The following MMP3 variants were observed in gnomAD, a reference collection of about 807,000 sequenced individuals.
MMP3 encodes the protein stromelysin-1.
In MMP3, 46 loss-of-function variants were observed where a neutral mutation model predicts 47.3. The ratio of observed to expected loss-of-function variants is 0.97; its 90% CI spans 0.77 to 1.24. The LOEUF (loss-of-function observed/expected upper bound fraction) is 1.24. Among genes scored for constraint, MMP3 ranks in the 50% most tolerant of loss-of-function variants. The probability of loss-of-function intolerance (pLI) is 0.00; values close to 1 mark genes in which losing one functional copy is unlikely to be tolerated. For missense variants in MMP3, 558 were observed against 565.5 expected, an observed-to-expected ratio of 0.99 and a Z score of 0.13; for synonymous variants, 216 against 206.5, an observed-to-expected ratio of 1.05 and a Z score of -0.39.
chr11:102,836,265 C>A lies in MMP3; in HGVS notation c.1334-39G>T. The A allele has an allele frequency of 1.4e-6, 2 of 1,465,406 alleles. No individual in the cohort carries two copies. Among genetic ancestry groups the A allele is most frequent in the Non-Finnish European group, 1.9e-6 (2 of 1,050,372 alleles). The allele number at this position is 1,465,406 out of a possible 1,614,324, so 90.8% of individuals were successfully genotyped here. On this transcript the variant is annotated intron_variant, in intron 9 of 9. Transcript: ENST00000299855. The surrounding 1 kb of genome is among the most constrained non-coding windows in gnomAD (Gnocchi z 4.6). Reference sequence around the variant, plus strand: ...CAAGGGAAATAGTAAGATATTTTTCCAAATAAAGACATTTGACAATATACA... The same window carrying A: ...CAAGGGAAATAGTAAGATATTTTTCAAAATAAAGACATTTGACAATATACA...
chr11:102,838,579 A>T lies in MMP3; in HGVS notation c.1201T>A (p.Tyr401Asn). 1 of 1,613,696 alleles carries T rather than the reference A, an allele frequency of 6.2e-7. No homozygotes were observed. The highest frequency in any genetic ancestry group is 1.1e-5 in the South Asian group (1 of 91,008). The change falls in exon 8 of 10, where the codon TAT becomes AAT. Residue 401 changes from tyrosine to asparagine, a missense_variant. Transcript: ENST00000299855. ...AISDKEKNKT[Y>N]FFVEDKYWRF... ...CAGTATTTGTCCTCTACAAAGAAAT[A>T]TGTTTTGTTCTTTTCCTTATCAGAA...
In MMP3 at chr11:102,843,430, A is replaced by AG; in HGVS notation, c.105+11dup. On this transcript the variant is annotated intron_variant, in intron 1 of 9. Coordinates refer to ENST00000299855, the MANE Select transcript of MMP3 (RefSeq NM_002422.5). ...AGCTCCCCACCTGGCCAGGTCAGTT[A>AG]GTGTTAATTACCTGAACAAGGTTCA... 6.2e-7 allele frequency: 1 copy of AG among 1,602,270 alleles called. No homozygotes were observed. Among genetic ancestry groups the AG allele is most frequent in the Non-Finnish European group, 8.5e-7 (1 of 1,170,118 alleles).
chr11:102,840,270 G>T lies in MMP3; in HGVS notation c.791-18C>A. ...GGGAGGTCCTAAAGGGAACATTAGG[G>T]GAAATGTGATACGTTTCAATATATG... On this transcript the variant is annotated intron_variant, in intron 5 of 9. Coordinates refer to ENST00000299855, the MANE Select transcript of MMP3 (RefSeq NM_002422.5). 6.2e-7 allele frequency: 1 copy of T among 1,610,512 alleles called. No homozygotes were observed. The highest frequency in any genetic ancestry group is 8.5e-7 in the Non-Finnish European group (1 of 1,178,762).
rs1266873022 is a variant in MMP3 at position 102,842,502 on chromosome 11, T to G, written c.428A>C (p.Glu143Ala). The stretch of plus-strand genomic sequence containing the variant: ...CCTGGAGAATGTGAGTGGAGTCACC[T>G]CTTCCCAGACTTTCAGAGCTTTCTC... ...AVEKALKVWE[E>A]VTPLTFSRLY... is the part of the protein sequence containing the mutation. Residue 143 changes from glutamate to alanine, a missense_variant, in exon 3 of 10, where the codon GAG becomes GCG. Physicochemically the swap from Glu to Ala is moderately radical, Grantham distance 107. Transcript: ENST00000299855. The G allele has an allele frequency of 6.5e-6, 10 of 1,538,870 alleles. No homozygotes were observed. Among genetic ancestry groups the G allele is most frequent in the Non-Finnish European group, 8.8e-6 (10 of 1,135,696 alleles).
intron 3 of MMP3, 27 bp downstream of exon 3, chr11:102,842,404 C>CTTTTTTTTTTGTT: frequency 1.2e-6 from 1 of 810,714 alleles, no homozygotes; most frequent in Non-Finnish European, 1.6e-6. Context: ...TTTTGTTTTG[C>CTTTTTTTTTTGTT]TTTTTTTTTT....
rs781866260 is a variant in MMP3 at position 102,840,238 on chromosome 11, A to T, written c.805T>A (p.Ser269Thr). 1 of 1,613,464 alleles carries T rather than the reference A, an allele frequency of 6.2e-7. No homozygotes were observed. Among genetic ancestry groups the T allele is most frequent in the Non-Finnish European group, 8.5e-7 (1 of 1,179,838 alleles). ...IQSLYGPPPD[S>T]PETPLVPTEP... ...GTGGGTACCAGGGGGGTCTCAGGGG[A>T]GTCAGGGGGAGGTCCTAAAGGGAAC... The change falls in exon 6 of 10, where the codon TCC becomes ACC. Residue 269 changes from serine to threonine, a missense_variant. Transcript: ENST00000299855.
Position 102,840,632 on chromosome 11 carries a change from A to G in MMP3, c.626-39T>C, listed in dbSNP as rs372315155. The G allele has an allele frequency of 5.4e-5, 86 of 1,603,546 alleles. No individual in the cohort carries two copies. In the South Asian group the frequency reaches 6.3e-4, roughly 12 times the overall value. On this transcript the variant is annotated intron_variant, in intron 4 of 9. Transcript: ENST00000299855. ...TGAGAACAATAGTTACTTATTTTTTAAATACATGTGCATTACACAGGTCTG... is the reference window on the plus strand; with the variant it reads ...TGAGAACAATAGTTACTTATTTTTTGAATACATGTGCATTACACAGGTCTG...
chr11:102,838,732 G>A, intron 7 of MMP3, 22 bp from the exon 8 acceptor site: 1 of 1,539,038 alleles, frequency 6.5e-7, no homozygotes, highest in Non-Finnish European at 8.6e-7. Context: ...AAATAATTCA[G>A]AGTCATATTG....
intron 6 of MMP3, 83 bp downstream of exon 6, chr11:102,840,025 G>C: frequency 7.1e-7 from 1 of 1,404,378 alleles, no homozygotes; most frequent in Non-Finnish European, 9.7e-7. Flanking sequence ...AAATGTCTAA[G>C]AATCTCTATC....
Position 102,842,417 on chromosome 11 carries a change from T to C in MMP3, c.499+14A>G, listed in dbSNP as rs1859019326. 3 of 1,470,944 alleles carry C rather than the reference T, an allele frequency of 2.0e-6. No individual in the cohort carries two copies. The highest frequency in any genetic ancestry group is 2.3e-5 in the East Asian group (1 of 42,806). The allele number at this position is 1,470,944 out of a possible 1,614,324, so 91.1% of individuals were successfully genotyped here. On this transcript the variant is annotated intron_variant, in intron 3 of 9. Coordinates refer to ENST00000299855, the MANE Select transcript of MMP3 (RefSeq NM_002422.5). ...TGTTTTGTTTTGCTTTTTTTTTTTT[T>C]TTTTTTTTTTTACCTCTAACTGCAA...
In MMP3 at chr11:102,837,260, C is replaced by T. The variant is rs1858898332; in HGVS notation, c.1333+38G>A. ...TTCCCTCTGATATCATAAAATGTTT[C>T]AAGTGCTCTATGGCCAACACAGTAA... On this transcript the variant is annotated intron_variant, in intron 9 of 9. Transcript: ENST00000299855. The surrounding 1 kb of genome is among the most constrained non-coding windows in gnomAD (Gnocchi z 4.4). 6.7e-7 allele frequency: 1 copy of T among 1,489,000 alleles called. No homozygotes were observed. Among genetic ancestry groups the T allele is most frequent in the African/African-American group, 1.4e-5 (1 of 72,374 alleles). The allele number at this position is 1,489,000 out of a possible 1,614,324, so 92.2% of individuals were successfully genotyped here. A position where few individuals can be genotyped will look rare whatever the true frequency, so the allele number is the denominator to read the frequency against.
In MMP3 at chr11:102,842,298, A is replaced by C. The variant is rs782205240; in HGVS notation, c.500-19T>G. The C allele has an allele frequency of 4.8e-5, 76 of 1,592,498 alleles. 1 individual carries two copies. The East Asian group carries it at 1.7e-3, about 35-fold the overall frequency. ...CCATGTTCTAGTAGGAAAAAAATTT[A>C]TTGGAAAGATATGTAACAAGGATCC... On this transcript the variant is annotated intron_variant, in intron 3 of 9. Transcript: ENST00000299855.
chr11:102,839,269 A>C, intron 6 of MMP3, 26 bp from the exon 7 acceptor site: 1 of 1,612,554 alleles, frequency 6.2e-7, no homozygotes, highest in Non-Finnish European at 8.5e-7. Context: ...AAAGAAATGT[A>C]AATTGAAAAA....
intron 5 of MMP3, 73 bp downstream of exon 5, chr11:102,840,356 T>C (rs1858972950): frequency 6.3e-7 from 1 of 1,589,482 alleles, no homozygotes. Flanking sequence ...AAATACTTTA[T>C]GTAGCATTTG....
rs1859032092 is a variant in MMP3 at position 102,842,789 on chromosome 11, T to C, written c.233A>G (p.Lys78Arg). 3 of 1,613,854 alleles carry C rather than the reference T, an allele frequency of 1.9e-6. No homozygotes were observed. The highest frequency in any genetic ancestry group is 2.5e-6 in the Non-Finnish European group (3 of 1,179,968). ...CACCTCCAGAGTGTCGGAGTCCAGC[T>C]TCCCCGTCACCTCCAATCCAAGGAA... Reference protein sequence around the residue: ...QKFLGLEVTGKLDSDTLEVMR... With the variant: ...QKFLGLEVTGRLDSDTLEVMR... The change falls in exon 2 of 10, where the codon AAG (lysine) becomes AGG (arginine). Residue 78 changes from lysine (K) to arginine (R), a missense_variant. Physicochemically the swap from Lys to Arg is conservative, Grantham distance 26 (BLOSUM62 2). Coordinates refer to ENST00000299855, the MANE Select transcript of MMP3 (RefSeq NM_002422.5).
chr11:102,838,132 G>A (rs1273493504), intron 8 of MMP3, among the ~76,000 whole-genome samples: 1 of 152,176 alleles, frequency 6.6e-6, no homozygotes, highest in Non-Finnish European at 1.5e-5. Flanking sequence ...AACACACAGT[G>A]AGACAGTGAG....
chr11:102,837,267 T>A lies in MMP3; in HGVS notation c.1333+31A>T, dbSNP rs782642347. ...TGATATCATAAAATGTTTCAAGTGC[T>A]CTATGGCCAACACAGTAAGTATCCT... On this transcript the variant is annotated intron_variant, in intron 9 of 9. Transcript: ENST00000299855. The surrounding 1 kb of genome is among the most constrained non-coding windows in gnomAD (Gnocchi z 4.4). 6.6e-6 allele frequency: 10 copies of A among 1,522,166 alleles called. No individual in the cohort carries two copies. The South Asian group carries it at 1.1e-4, about 17-fold the overall frequency. The allele number at this position is 1,522,166 out of a possible 1,614,324, so 94.3% of individuals were successfully genotyped here.
At position 102,837,178 on chromosome 11, in the gene MMP3, T is replaced by C. The variant is rs1347904281; in HGVS notation, c.1333+120A>G. On this transcript the variant is annotated intron_variant, in intron 9 of 9. Coordinates refer to ENST00000299855, the MANE Select transcript of MMP3 (RefSeq NM_002422.5). This position sits in a 1 kb window ranked among gnomAD's most constrained non-coding sequence, Gnocchi z 4.4. ...GTACAAATGTAGGCGAATCAAAATT[T>C]TGAGAAGGGAACTGGCCCTAAGAAA... The C allele has an allele frequency of 1.4e-6, 1 of 691,702 alleles. No individual in the cohort carries two copies. The highest frequency in any genetic ancestry group is 2.5e-6 in the Non-Finnish European group (1 of 406,422). 42.8% of individuals were successfully genotyped at this position (691,702 alleles called of 1,614,324 possible).
At chr11:102,838,989 C>T (rs1168783182) in intron 7 of MMP3, 121 bp downstream of exon 7, 11 of 1,074,180 alleles carry the variant, frequency 1.0e-5, no homozygotes, top group Admixed American at 2.3e-5. Flanking sequence ...CTGGTTATTT[C>T]TTCATTACCG....
Sources: gnomAD v4.1 joint callset for allele counts (sites outside exome capture counted in the v4.1 genomes callset) on GRCh38, gnomAD v4.1.1 for gene constraint, Gnocchi (gnomAD v3.1) non-coding constraint, MANE v1.5 for transcripts, NCBI Gene and HGNC (gene_info 2026-07-23, HGNC 2026-07-21) for gene names.